ATP6V1A: variants seen among roughly 807,000 people sequenced by gnomAD.
ATP6V1A encodes the protein ATPase H+ transporting V1 subunit A.
ATP6V1A carries 18 observed loss-of-function variants against 70.1 expected under a neutral mutation model. That is an observed-to-expected ratio of 0.26 (90% CI 0.18 to 0.38). The LOEUF is 0.38. ATP6V1A is among the 10% of genes least tolerant of loss of function. The probability of loss-of-function intolerance (pLI) is 1.00; values close to 1 mark genes in which losing one functional copy is unlikely to be tolerated. For missense variants in ATP6V1A, 424 were observed against 772.4 expected (o/e 0.55, Z 5.35); for synonymous variants, 232 against 253.8 (o/e 0.91, Z 0.82).
At chr3:113,752,018 T>C (rs917460434) in intron 1 of ATP6V1A, among the ~76,000 whole-genome samples, 1 of 151,908 alleles carries the variant, frequency 6.6e-6, no homozygotes, top group Non-Finnish European at 1.5e-5. Context: ...ACTATTATTT[T>C]TGGTATTATT....
chr3:113,762,730 T>C (rs1708719783), intron 1 of ATP6V1A, among the ~76,000 whole-genome samples: 1 of 152,160 alleles, frequency 6.6e-6, no homozygotes, highest in Non-Finnish European at 1.5e-5. Context: ...TGTAGACTAT[T>C]TAACATAAGA....
At chr3:113,788,151 G>A (rs983435041) in intron 6 of ATP6V1A, among the ~76,000 whole-genome samples, 16 of 152,152 alleles carry the variant, frequency 1.1e-4, no homozygotes, top group African/African-American at 3.6e-4. Context: ...GGGCTCAGGC[G>A]GTCCTCCCAC....
chr3:113,800,150 T>G (rs944187634), intron 12 of ATP6V1A, among the ~76,000 whole-genome samples: 5 of 151,196 alleles, frequency 3.3e-5, no homozygotes, highest in Non-Finnish European at 5.9e-5. Flanking sequence ...GAGAACTGCT[T>G]GAACCTGGGA....
intron 1 of ATP6V1A, among the ~76,000 whole-genome samples, chr3:113,764,641 A>G (rs951498500): frequency 6.6e-6 from 1 of 152,196 alleles, no homozygotes; most frequent in African/African-American, 2.4e-5. Flanking sequence ...TAAGCTTTAA[A>G]TCAATAGGAT....
chr3:113,789,708 C>T, intron 7 of ATP6V1A, 24 bp from the exon 8 acceptor site: 1 of 1,514,210 alleles, frequency 6.6e-7, no homozygotes, highest in Non-Finnish European at 9.1e-7. Flanking sequence ...ATTGGAGATT[C>T]ACTAATATAT....
intron 8 of ATP6V1A, 84 bp downstream of exon 8, chr3:113,789,924 C>T: frequency 1.0e-6 from 1 of 995,760 alleles, no homozygotes; most frequent in Non-Finnish European, 1.5e-6. Context: ...GAGCTTTTTA[C>T]TTTCATTCTA....
chr3:113,801,866 T>C (rs1038608848), intron 12 of ATP6V1A, among the ~76,000 whole-genome samples: 1 of 151,474 alleles, frequency 6.6e-6, no homozygotes, highest in Non-Finnish European at 1.5e-5. Flanking sequence ...CATAAAACAT[T>C]GTTTAATATT....
At chr3:113,806,368 C>T (rs954647694) in intron 14 of ATP6V1A, among the ~76,000 whole-genome samples, 4 of 152,204 alleles carry the variant, frequency 2.6e-5, no homozygotes, top group African/African-American at 9.6e-5. Context: ...TTGCCTTACT[C>T]CAAGTGCCTA....
At chr3:113,753,578 A>C (rs1016170310) in intron 1 of ATP6V1A, among the ~76,000 whole-genome samples, 1 of 152,204 alleles carries the variant, frequency 6.6e-6, no homozygotes, top group South Asian at 2.1e-4. Context: ...TGTTATGTAA[A>C]TTATGGCCGA....
At chr3:113,780,088 C>A (rs1471073069) in intron 2 of ATP6V1A, among the ~76,000 whole-genome samples, 1 of 152,020 alleles carries the variant, frequency 6.6e-6, no homozygotes, top group East Asian at 1.9e-4. Flanking sequence ...CCTTTTTTGG[C>A]TTATGAAATA....
At chr3:113,776,463 T>C (rs1708913148) in intron 1 of ATP6V1A, among the ~76,000 whole-genome samples, 1 of 152,264 alleles carries the variant, frequency 6.6e-6, no homozygotes, top group South Asian at 2.1e-4. Flanking sequence ...CAGTTTCTCC[T>C]GTGCTCCCAA....
intron 10 of ATP6V1A, 135 bp downstream of exon 10, chr3:113,795,339 T>A: frequency 1.1e-6 from 1 of 920,678 alleles, no homozygotes; most frequent in South Asian, 1.8e-5. Context: ...AGGGTTGCAC[T>A]CCAGAGTCAC....
At chr3:113,767,211 C>T (rs1456279500) in intron 1 of ATP6V1A, among the ~76,000 whole-genome samples, 3 of 151,416 alleles carry the variant, frequency 2.0e-5, no homozygotes, top group South Asian at 2.1e-4. Context: ...CCTGCCTCAG[C>T]GCCCCGAGTA....
Position 113,781,112 on chromosome 3 carries a change from G to A in ATP6V1A, c.145G>A (p.Glu49Lys), listed in dbSNP as rs778431937. Residue 49 changes from glutamate to lysine, a missense_variant, in exon 3 of 15, where the codon GAA becomes AAA. Coordinates refer to ENST00000273398, the MANE Select transcript of ATP6V1A (RefSeq NM_001690.4). ...MYELVRVGHS[E>K]LVGEIIRLEG... ...TGAGCTGGTGAGAGTGGGCCACAGC[G>A]AATTGGTTGGAGAGATTATTCGATT... 10 of 1,613,726 alleles carry A rather than the reference G, an allele frequency of 6.2e-6. No homozygotes were observed. The highest frequency in any genetic ancestry group is 1.6e-4 in the Middle Eastern group (1 of 6,084).
At chr3:113,768,081 A>G (rs768352929) in intron 1 of ATP6V1A, among the ~76,000 whole-genome samples, 2 of 152,196 alleles carry the variant, frequency 1.3e-5, no homozygotes, top group African/African-American at 2.4e-5. Flanking sequence ...TATCTTCACT[A>G]TTTCTTTTTC....
intron 14 of ATP6V1A, among the ~76,000 whole-genome samples, chr3:113,807,722 A>G (rs1012701047): frequency 2.0e-5 from 3 of 152,180 alleles, no homozygotes; most frequent in Non-Finnish European, 4.4e-5. Context: ...GATGATTTCT[A>G]TTTACATGCT....
chr3:113,790,734 A>G (rs1709082651), intron 8 of ATP6V1A, among the ~76,000 whole-genome samples: 1 of 152,226 alleles, frequency 6.6e-6, no homozygotes, highest in African/African-American at 2.4e-5. Flanking sequence ...TTGATTGGCT[A>G]AGATTTGACT....
chr3:113,790,132 G>A (rs774241628), intron 8 of ATP6V1A, among the ~76,000 whole-genome samples: 4 of 151,628 alleles, frequency 2.6e-5, no homozygotes, highest in African/African-American at 9.7e-5. Context: ...TTGGCTGGGC[G>A]TGGTGGCAGC....
chr3:113,784,774 C>T lies in ATP6V1A; in HGVS notation c.505C>T (p.Pro169Ser), dbSNP rs778510224. 1.2e-6 allele frequency: 2 copies of T among 1,613,862 alleles called. No individual in the cohort carries two copies. Among genetic ancestry groups the T allele is most frequent in the African/African-American group, 2.7e-5 (2 of 74,904 alleles). ...NSLIKHKIML[P>S]PRNRGTVTYI... is the part of the protein sequence containing the mutation. ...GCTTATCAAACACAAAATCATGTTA[C>T]CCCCACGAAACAGAGGAACTGTAAC... The change falls in exon 5 of 15, where the codon CCC becomes TCC. Residue 169 changes from proline to serine, a missense_variant. Pro to Ser is a moderately conservative substitution (Grantham distance 74). Transcript: ENST00000273398.
Sources: allele counts gnomAD v4.1 joint callset (sites outside exome capture counted in the v4.1 genomes callset), GRCh38; gene constraint gnomAD v4.1.1; transcripts MANE v1.5; gene names NCBI Gene and HGNC (gene_info 2026-07-23, HGNC 2026-07-21).